PDZRN3: variants seen among roughly 807,000 people sequenced by gnomAD.
PDZRN3 encodes PDZ domain containing ring finger 3, also known as E3 ubiquitin-protein ligase PDZRN3.
PDZRN3 carries 38 observed loss-of-function variants against 85.7 expected under a neutral mutation model. The ratio of observed to expected loss-of-function variants is 0.44; its 90% CI spans 0.34 to 0.58. The LOEUF is 0.58. Among genes scored for constraint, PDZRN3 ranks in the 20% least tolerant of loss-of-function variants. The pLI, the probability that PDZRN3 is intolerant of heterozygous loss-of-function variation, is 0.01. For missense variants in PDZRN3, 1,629 were observed against 1,506.4 expected (o/e 1.08, Z -1.35); for synonymous variants, 759 against 638.0 (o/e 1.19, Z -2.86).
intron 4 of PDZRN3, among the ~76,000 whole-genome samples, chr3:73,403,273 G>A (rs988876238): frequency 1.3e-5 from 2 of 152,116 alleles, no homozygotes; most frequent in African/African-American, 2.4e-5. Context: ...AAGCTATGTC[G>A]AACTGGACAC....
chr3:73,430,379 T>C lies in PDZRN3; in HGVS notation c.919-25984A>G, dbSNP rs148492697. On this transcript the variant is annotated intron_variant, in intron 3 of 9. Transcript: ENST00000263666. ...ACAATGTGCTACTCATAATTTCTAG[T>C]TTGAAGCTTAACTCCCAATCAGAAT... Among the ~76,000 whole-genome samples the C allele has an allele frequency of 1.9e-3, 294 of 152,312 alleles. 1 individual carries two copies. Among genetic ancestry groups the C allele is most frequent in the African/African-American group, 6.7e-3 (277 of 41,582 alleles).
At chr3:73,515,215 A>C (rs1219966266) in intron 3 of PDZRN3, among the ~76,000 whole-genome samples, 1 of 117,512 alleles carries the variant, frequency 8.5e-6, no homozygotes, top group African/African-American at 3.4e-5. Context: ...TCTTGCTCTC[A>C]CCCAGGCTGG....
At chr3:73,605,401 C>T (rs9866634) in intron 2 of PDZRN3, among the ~76,000 whole-genome samples, 21,143 of 152,032 alleles carry the variant, frequency 0.14, 1,523 homozygotes, top group Admixed American at 0.17. Flanking sequence ...GGGTACCTAA[C>T]GATAAAGTAC....
chr3:73,486,997 T>C (rs1053734231), intron 3 of PDZRN3, among the ~76,000 whole-genome samples: 1 of 152,198 alleles, frequency 6.6e-6, no homozygotes, highest in Non-Finnish European at 1.5e-5. Flanking sequence ...ATTTTACACC[T>C]TGTCTCCTCT....
intron 4 of PDZRN3, among the ~76,000 whole-genome samples, chr3:73,403,595 T>C (rs2106726921): frequency 6.6e-6 from 1 of 152,334 alleles, no homozygotes; most frequent in South Asian, 2.1e-4. Flanking sequence ...TCTTTATCGC[T>C]GGCAGAAATA....
At chr3:73,453,428 AAAAAAAAACAAAG>A (rs1702913747) in intron 3 of PDZRN3, among the ~76,000 whole-genome samples, 1 of 150,252 alleles carries the variant, frequency 6.7e-6, no homozygotes, top group Non-Finnish European at 1.5e-5. Flanking sequence ...AAAAAACAAA[AAAAAAAAACAAAG>A]AAAGAAGAAA....
intron 3 of PDZRN3, among the ~76,000 whole-genome samples, chr3:73,566,491 A>G (rs1439711168): frequency 6.6e-6 from 1 of 152,238 alleles, no homozygotes; most frequent in East Asian, 1.9e-4. Context: ...GATTTTGAAA[A>G]TGCTCATTAT....
intron 1 of PDZRN3, among the ~76,000 whole-genome samples, chr3:73,614,039 A>C (rs1356526895): frequency 6.6e-6 from 1 of 152,156 alleles, no homozygotes; most frequent in Non-Finnish European, 1.5e-5. Flanking sequence ...ATGCAAGCTC[A>C]CTTTTCAAGA....
At position 73,383,021 on chromosome 3, in the gene PDZRN3, T is replaced by A. The variant is rs1461917397; in HGVS notation, c.*344A>T. ...GGAAAAAAAGCGTGTTTAACTTTTT[T>A]ATATGAATATAGTTTAAACAAGTTA... is the stretch of plus-strand genomic sequence containing the variant. On this transcript the variant is annotated 3_prime_UTR_variant, in exon 10 of 10. Coordinates refer to ENST00000263666, the MANE Select transcript of PDZRN3 (RefSeq NM_015009.3). 2 of 190,868 alleles carry A rather than the reference T, an allele frequency of 1.0e-5. No homozygotes were observed. The highest frequency in any genetic ancestry group is 1.6e-4 in the South Asian group (1 of 6,300). 11.8% of individuals were successfully genotyped at this position (190,868 alleles called of 1,614,324 possible).
intron 3 of PDZRN3, among the ~76,000 whole-genome samples, chr3:73,491,154 CT>C (rs1252110873): frequency 2.0e-5 from 3 of 152,220 alleles, no homozygotes; most frequent in East Asian, 3.8e-4. Flanking sequence ...CAAGCTCCTG[CT>C]CAGGTTACAG....
intron 1 of PDZRN3, among the ~76,000 whole-genome samples, chr3:73,615,438 A>G (rs9835723): frequency 0.68 from 103,644 of 152,090 alleles, 35,434 homozygotes; most frequent in East Asian, 0.72. Flanking sequence ...GCTACGATCT[A>G]AATGTTTATG....
intron 1 of PDZRN3, among the ~76,000 whole-genome samples, chr3:73,617,521 T>C (rs1050249090): frequency 3.3e-5 from 5 of 152,276 alleles, no homozygotes; most frequent in African/African-American, 1.2e-4. Context: ...TTTACCTTTC[T>C]ATCCAATGGT....
chr3:73,600,570 G>A (rs1702502172), intron 3 of PDZRN3, among the ~76,000 whole-genome samples: 1 of 152,004 alleles, frequency 6.6e-6, no homozygotes, highest in Non-Finnish European at 1.5e-5. Flanking sequence ...AACACTACAT[G>A]ATTAATATTT....
At chr3:73,601,962 GACTCCAAA>G (rs1559754265) in intron 3 of PDZRN3, among the ~76,000 whole-genome samples, 1 of 152,124 alleles carries the variant, frequency 6.6e-6, no homozygotes, top group Non-Finnish European at 1.5e-5. Context: ...ACATTAGAAT[GACTCCAAA>G]GCTGACACAA....
At chr3:73,498,125 T>C (rs891294380) in intron 3 of PDZRN3, among the ~76,000 whole-genome samples, 12 of 152,202 alleles carry the variant, frequency 7.9e-5, no homozygotes, top group Admixed American at 2.6e-4. Flanking sequence ...ACAAAAATCA[T>C]CTTTCTCCCT....
intron 1 of PDZRN3, among the ~76,000 whole-genome samples, chr3:73,609,268 G>A (rs1702648304): frequency 6.6e-6 from 1 of 152,138 alleles, no homozygotes; most frequent in Admixed American, 6.5e-5. Flanking sequence ...AGTAATTACT[G>A]TCCAATCCAC....
intron 3 of PDZRN3, among the ~76,000 whole-genome samples, chr3:73,455,032 G>C (rs1224609690): frequency 6.6e-6 from 1 of 151,840 alleles, no homozygotes; most frequent in Non-Finnish European, 1.5e-5. Flanking sequence ...ATTTGTTTAT[G>C]AGTACAATAT....
intron 5 of PDZRN3, among the ~76,000 whole-genome samples, chr3:73,394,512 T>C (rs1701596809): frequency 6.6e-6 from 1 of 152,180 alleles, no homozygotes; most frequent in Admixed American, 6.5e-5. Context: ...TTTTCTATCT[T>C]AGAAGTGGTC....
At chr3:73,504,160 T>C (rs74429332) in intron 3 of PDZRN3, among the ~76,000 whole-genome samples, 1 of 152,200 alleles carries the variant, frequency 6.6e-6, no homozygotes, top group South Asian at 2.1e-4. Context: ...CCACCTGATG[T>C]ACCTCATTCT....
Sources: allele counts gnomAD v4.1 joint callset (sites outside exome capture counted in the v4.1 genomes callset), GRCh38; gene constraint gnomAD v4.1.1; transcripts MANE v1.5; gene names NCBI Gene and HGNC (gene_info 2026-07-23, HGNC 2026-07-21).